The following CLN6 variants were observed in gnomAD, a reference collection of about 807,000 sequenced individuals.
CLN6 encodes CLN6 transmembrane ER protein.
A neutral mutation model predicts 33.3 loss-of-function variants in CLN6; 22 were observed. That is an observed-to-expected ratio of 0.66 (90% confidence interval 0.47 to 0.94). CLN6 has a LOEUF of 0.94. CLN6 is among the 40% of genes least tolerant of loss of function. The pLI is 0.00. For missense variants in CLN6, 387 were observed against 417.1 expected, an observed-to-expected ratio of 0.93 and a Z score of 0.63; for synonymous variants, 201 against 174.6, an observed-to-expected ratio of 1.15 and a Z score of -1.19.
chr15:68,211,955 G>C lies in CLN6; in HGVS notation c.298-92C>G. On this transcript the variant is annotated intron_variant, in intron 3 of 6. Transcript: ENST00000249806. This position sits in a 1 kb window ranked among gnomAD's most constrained non-coding sequence, Gnocchi z 5.9. ...CCCCCCTCACACCTGGGGTGGGATG[G>C]ACGCTTCCAGCTGGAATGTCACTCC... The C allele has an allele frequency of 7.6e-7, 1 of 1,309,444 alleles. No individual in the cohort carries two copies. Among genetic ancestry groups the C allele is most frequent in the Non-Finnish European group, 1.1e-6 (1 of 932,882 alleles). 81.1% of individuals were successfully genotyped at this position (1,309,444 alleles called of 1,614,324 possible).
At chr15:68,255,516 A>G (rs1292018012) in intron 1 of CLN6, among the ~76,000 whole-genome samples, 1 of 152,160 alleles carries the variant, frequency 6.6e-6, no homozygotes, top group Non-Finnish European at 1.5e-5. Flanking sequence ...TATCAACCTC[A>G]CTCTAAACTT....
chr15:68,225,971 A>G (rs2093250534), intron 1 of CLN6, among the ~76,000 whole-genome samples: 2 of 151,870 alleles, frequency 1.3e-5, no homozygotes, highest in Admixed American at 1.3e-4. Flanking sequence ...ACTCCATCTC[A>G]AAAAAAGAAT....
At position 68,208,415 on chromosome 15, in the gene CLN6, A is replaced by T. The variant is rs1401270931; in HGVS notation, c.666-5T>A. 3.1e-6 allele frequency: 5 copies of T among 1,612,116 alleles called. No individual in the cohort carries two copies. In the East Asian group the frequency reaches 1.1e-4, roughly 36 times the overall value. On this transcript the variant is annotated splice_polypyrimidine_tract_variant and splice_region_variant and intron_variant, in intron 6 of 6. Transcript: ENST00000249806. The surrounding 1 kb of genome is among the most constrained non-coding windows in gnomAD (Gnocchi z 5.8). ...TGGCCCTCGGTGACCAGGTACCTGG[A>T]AAGGCCAGGGGTGAGTGAGGCAGCT...
At chr15:68,249,990 C>A (rs1377014362) in intron 1 of CLN6, among the ~76,000 whole-genome samples, 4 of 152,094 alleles carry the variant, frequency 2.6e-5, no homozygotes, top group African/African-American at 9.7e-5. Flanking sequence ...TCAGGCCGAT[C>A]TCGAACTCCT....
At chr15:68,214,775 T>G in intron 2 of CLN6, 1 of 313,782 alleles carries the variant, frequency 3.2e-6, no homozygotes, top group African/African-American at 2.2e-5. Context: ...AATACTTCCC[T>G]TCTCTGGGCC....
At chr15:68,237,300 C>G (rs972998613) in intron 1 of CLN6, among the ~76,000 whole-genome samples, 1 of 149,668 alleles carries the variant, frequency 6.7e-6, no homozygotes, top group Non-Finnish European at 1.5e-5. Context: ...GGCAACATAG[C>G]GAGACCCCTA....
Position 68,209,821 on chromosome 15 carries a change from G to A in CLN6, c.543-62C>T, listed in dbSNP as rs1226533613. ...AGCGGCCCTCTTCCCCACAACCTCT[G>A]CAACCACTCCCATGGGGTCTCATGG... On this transcript the variant is annotated intron_variant, in intron 5 of 6. Coordinates refer to ENST00000249806, the MANE Select transcript of CLN6 (RefSeq NM_017882.3). This position sits in a 1 kb window ranked among gnomAD's most constrained non-coding sequence, Gnocchi z 4.9. 7.5e-6 allele frequency: 12 copies of A among 1,605,358 alleles called. No homozygotes were observed. The highest frequency in any genetic ancestry group is 9.4e-6 in the Non-Finnish European group (11 of 1,176,332).
At chr15:68,238,074 G>T (rs1228537411) in intron 1 of CLN6, among the ~76,000 whole-genome samples, 1 of 151,392 alleles carries the variant, frequency 6.6e-6, no homozygotes, top group Non-Finnish European at 1.5e-5. Flanking sequence ...AGTGAGCCAA[G>T]ATTGTGCCAC....
chr15:68,223,501 G>A (rs568752652), intron 1 of CLN6, among the ~76,000 whole-genome samples: 25 of 152,296 alleles, frequency 1.6e-4, no homozygotes, highest in Middle Eastern at 3.4e-3. Context: ...GAGAACTTGG[G>A]TGGCGAAAGA....
At chr15:68,226,553 G>A (rs1312669288) in intron 1 of CLN6, among the ~76,000 whole-genome samples, 3 of 151,692 alleles carry the variant, frequency 2.0e-5, no homozygotes, top group Non-Finnish European at 4.4e-5. Flanking sequence ...CGCAACCTCC[G>A]CCTCCTGAGT....
Position 68,229,540 on chromosome 15 carries a change from G to A in CLN6, c.45C>T (p.Gly15=), listed in dbSNP as rs1246400558. The A allele has an allele frequency of 4.8e-6, 7 of 1,467,680 alleles. No individual in the cohort carries two copies. The Admixed American group carries it at 1.2e-4, about 25-fold the overall frequency. 90.9% of individuals were successfully genotyped at this position (1,467,680 alleles called of 1,614,324 possible). A position where few individuals can be genotyped will look rare whatever the true frequency, so the allele number is the denominator to read the frequency against. The change falls in exon 1 of 7, where the codon GGC becomes GGT. Residue 15 remains glycine (G), a synonymous_variant. Coordinates refer to ENST00000249806, the MANE Select transcript of CLN6 (RefSeq NM_017882.3). ...RRRQHLGATG[G]PGAQLGASFL... ...AGGAGGCGCCCAGCTGCGCGCCTGG[G>A]CCGCCCGTCGCTCCCAGGTGCTGCC...
Position 68,208,568 on chromosome 15 carries a change from G to A in CLN6, c.666-158C>T, listed in dbSNP as rs927520947. ...TATGCCGCTCTAAGCCACAGCCCAT[G>A]GGCAGCATATTGATTTAGCTGGTAT... On this transcript the variant is annotated intron_variant, in intron 6 of 6. Coordinates refer to ENST00000249806, the MANE Select transcript of CLN6 (RefSeq NM_017882.3). The surrounding 1 kb of genome is among the most constrained non-coding windows in gnomAD (Gnocchi z 5.8). Among the ~76,000 whole-genome samples the A allele has an allele frequency of 1.3e-5, 2 of 152,194 alleles. No homozygotes were observed. The highest frequency in any genetic ancestry group is 2.9e-5 in the Non-Finnish European group (2 of 68,040).
upstream of CLN6, chr15:68,229,735 C>T (rs907075658): frequency 1.2e-5 from 5 of 402,334 alleles, no homozygotes; most frequent in Admixed American, 6.5e-5. Flanking sequence ...ACAGGCGGGG[C>T]TGCGGACCCG....
Position 68,253,971 on chromosome 15 carries a change from G to A in CLN6, c.179+2719C>T, listed in dbSNP as rs1248765926. On this transcript the variant is annotated intron_variant, in intron 1 of 6. Transcript: ENST00000538696. Reference sequence around the variant, plus strand: ...TGGCTCACTGCAAGCTCCGCCTCCCGGGTTCACGCCAATCTCCTGCCTCAG... The same window carrying A: ...TGGCTCACTGCAAGCTCCGCCTCCCAGGTTCACGCCAATCTCCTGCCTCAG... Among the ~76,000 whole-genome samples, 3 of 150,608 alleles carry A rather than the reference G, an allele frequency of 2.0e-5. No homozygotes were observed. The East Asian group carries it at 5.9e-4, about 29-fold the overall frequency.
intron 1 of CLN6, among the ~76,000 whole-genome samples, chr15:68,245,499 G>T (rs1428743942): frequency 6.6e-6 from 1 of 152,058 alleles, no homozygotes; most frequent in Non-Finnish European, 1.5e-5. Flanking sequence ...GAGGGAAGTT[G>T]AGGTTGCAGT....
At chr15:68,238,864 T>C (rs1223658530) in intron 1 of CLN6, among the ~76,000 whole-genome samples, 1 of 152,102 alleles carries the variant, frequency 6.6e-6, no homozygotes, top group Non-Finnish European at 1.5e-5. Context: ...ATTCCAAAAA[T>C]TGTCTGCAAA....
chr15:68,234,725 A>G (rs1454772131), upstream of CLN6, among the ~76,000 whole-genome samples: 2 of 152,036 alleles, frequency 1.3e-5, no homozygotes, highest in Non-Finnish European at 2.9e-5. The surrounding 1 kb of genome is among the most constrained non-coding windows in gnomAD (Gnocchi z 4.1). Flanking sequence ...CACTCTTAAC[A>G]GTTGACAAAG....
At chr15:68,230,234 G>T (rs1230530613), upstream of CLN6, among the ~76,000 whole-genome samples, 2 of 152,224 alleles carry the variant, frequency 1.3e-5, no homozygotes, top group African/African-American at 2.4e-5. The surrounding 1 kb of genome is among the most constrained non-coding windows in gnomAD (Gnocchi z 4.0). Context: ...CTCTGGATGT[G>T]GGGGGTGAGG....
In CLN6 at chr15:68,256,823, G is replaced by C. The variant is rs376653304; in HGVS notation, c.46C>G (p.Arg16Gly). The C allele has an allele frequency of 5.7e-6, 4 of 700,970 alleles. No homozygotes were observed. The highest frequency in any genetic ancestry group is 1.0e-5 in the Non-Finnish European group (4 of 383,978). 43.4% of individuals were successfully genotyped at this position (700,970 alleles called of 1,614,324 possible). A position where few individuals can be genotyped will look rare whatever the true frequency, so the allele number is the denominator to read the frequency against. Residue 16 changes from arginine (R) to glycine (G), a missense_variant, in exon 1 of 7, where the codon CGG becomes GGG. Physicochemically the swap from Arg to Gly is moderately radical, Grantham distance 125. Coordinates refer to the CLN6 transcript ENST00000538696. This position sits in a 1 kb window ranked among gnomAD's most constrained non-coding sequence, Gnocchi z 4.1. ...GGGATGGCTCCCAGTGTCTCTGGCCGGGGCCTGCCTCTCGCTCGCCGCTCC... is the reference window on the plus strand; with the variant it reads ...GGGATGGCTCCCAGTGTCTCTGGCCCGGGCCTGCCTCTCGCTCGCCGCTCC...
Sources: allele counts gnomAD v4.1 joint callset (sites outside exome capture counted in the v4.1 genomes callset), GRCh38; gene constraint gnomAD v4.1.1; non-coding constraint Gnocchi (gnomAD v3.1); transcripts MANE v1.5; gene names NCBI Gene and HGNC (gene_info 2026-07-23, HGNC 2026-07-21).